Variants in EFCAB6 observed in about 807,000 individuals in gnomAD.
EFCAB6 encodes the protein EF-hand calcium-binding domain-containing protein 6.
Under a neutral mutation model 169.8 loss-of-function variants are expected in EFCAB6, and 156 were observed. The observed-to-expected ratio is 0.92, with a 90% CI of 0.81 to 1.05. EFCAB6 has a LOEUF of 1.05. Ranked by LOEUF, EFCAB6 falls within the 50% of genes least tolerant of loss-of-function variation. The pLI is 0.00. For synonymous variants in EFCAB6, 698 were observed against 676.4 expected (o/e 1.03, Z -0.50); for missense variants, 1,800 against 1,829.1 (o/e 0.98, Z 0.29).
intron 25 of EFCAB6, among the ~76,000 whole-genome samples, chr22:43,578,059 G>C (rs764741763): frequency 3.4e-4 from 52 of 152,202 alleles, no homozygotes; most frequent in Non-Finnish European, 6.6e-4. Context: ...CTCTAGTAAA[G>C]ATCTTCAGGA....
intron 24 of EFCAB6, among the ~76,000 whole-genome samples, chr22:43,587,456 T>C (rs569648803): frequency 9.9e-5 from 15 of 152,228 alleles, no homozygotes; most frequent in Non-Finnish European, 1.9e-4. Flanking sequence ...TTGGCAGGAC[T>C]GTACTTTCCC....
At chr22:43,545,514 G>C (rs142058468) in intron 27 of EFCAB6, among the ~76,000 whole-genome samples, 3 of 152,312 alleles carry the variant, frequency 2.0e-5, no homozygotes, top group Non-Finnish European at 2.9e-5. Flanking sequence ...CCCAAAGACG[G>C]GTGAACAAAA....
At chr22:43,729,160 C>T (rs1431602495) in intron 8 of EFCAB6, among the ~76,000 whole-genome samples, 1 of 152,234 alleles carries the variant, frequency 6.6e-6, no homozygotes, top group African/African-American at 2.4e-5. Flanking sequence ...CAAGAACCCA[C>T]TCATTACCAT....
chr22:43,800,439 G>A (rs2062668032), intron 2 of EFCAB6, among the ~76,000 whole-genome samples: 1 of 152,200 alleles, frequency 6.6e-6, no homozygotes, highest in Admixed American at 6.5e-5. Context: ...AAAAAAGACA[G>A]CAGCAAACAG....
At chr22:43,732,065 G>A (rs2059972179) in intron 7 of EFCAB6, among the ~76,000 whole-genome samples, 1 of 152,138 alleles carries the variant, frequency 6.6e-6, no homozygotes, top group Admixed American at 6.5e-5. Flanking sequence ...TGCTGGACCT[G>A]TTGAAGAATA....
chr22:43,775,209 C>T (rs1350120788), intron 3 of EFCAB6, among the ~76,000 whole-genome samples: 2 of 152,092 alleles, frequency 1.3e-5, no homozygotes, highest in Middle Eastern at 3.2e-3. Flanking sequence ...GGGCAGCACC[C>T]TTCACTTAGA....
At chr22:43,784,488 CAAA>C (rs113755588) in intron 2 of EFCAB6, among the ~76,000 whole-genome samples, 2,901 of 63,324 alleles carry the variant, frequency 0.046, 183 homozygotes, top group African/African-American at 0.1. Context: ...CTGTCTCTAC[CAAA>C]AAAAAAAAAA....
intron 20 of EFCAB6, among the ~76,000 whole-genome samples, chr22:43,625,287 G>T (rs1040852259): frequency 6.6e-6 from 1 of 152,094 alleles, no homozygotes; most frequent in Admixed American, 6.5e-5. Context: ...TGGGGACCGT[G>T]AGTGCCTCAA....
intron 11 of EFCAB6, 21 bp downstream of exon 11, chr22:43,687,450 T>TA: frequency 1.6e-6 from 2 of 1,270,754 alleles, no homozygotes; most frequent in Non-Finnish European, 2.1e-6. Context: ...AAAATTTGTT[T>TA]TTTTTTTTTT....
At chr22:43,702,168 G>C (rs2058789555) in intron 10 of EFCAB6, among the ~76,000 whole-genome samples, 1 of 152,172 alleles carries the variant, frequency 6.6e-6, no homozygotes, top group East Asian at 1.9e-4. Flanking sequence ...ATTCAATGCT[G>C]GGAAGAATAT....
intron 15 of EFCAB6, 134 bp downstream of exon 15, chr22:43,671,839 C>A: frequency 1.9e-6 from 2 of 1,061,120 alleles, no homozygotes; most frequent in Non-Finnish European, 2.7e-6. Context: ...CAGTGCTAAG[C>A]AAGGATTCAG....
Position 43,667,091 on chromosome 22 carries a change from C to A in EFCAB6, c.1983+13G>T. 6.2e-7 allele frequency: 1 copy of A among 1,609,252 alleles called. No individual in the cohort carries two copies. The highest frequency in any genetic ancestry group is 8.5e-7 in the Non-Finnish European group (1 of 1,177,732). ...TCTGCAGGATAGAAACAAAGAGAAA[C>A]CCATTCTCCTACCTTCTTAAAGTCA... On this transcript the variant is annotated intron_variant, in intron 17 of 31. Coordinates refer to ENST00000262726, the MANE Select transcript of EFCAB6 (RefSeq NM_022785.4).
At chr22:43,746,386 C>T (rs1328549151) in intron 6 of EFCAB6, among the ~76,000 whole-genome samples, 1 of 152,148 alleles carries the variant, frequency 6.6e-6, no homozygotes, top group Non-Finnish European at 1.5e-5. Flanking sequence ...ATAGTTGACA[C>T]AATGAAGCAA....
chr22:43,624,852 C>A (rs1031999739), intron 20 of EFCAB6, among the ~76,000 whole-genome samples: 1 of 152,160 alleles, frequency 6.6e-6, no homozygotes, highest in Non-Finnish European at 1.5e-5. Flanking sequence ...AAGGTTGAGT[C>A]ATCTGAATGG....
rs183696674 is a variant in EFCAB6, at chr22:43,801,602, G to A, written c.-8+7393C>T. Among the ~76,000 whole-genome samples, 7 of 152,300 alleles carry A rather than the reference G, an allele frequency of 4.6e-5. No individual in the cohort carries two copies. In the East Asian group the frequency reaches 1.3e-3, roughly 29 times the overall value. ...AAAATGTGGAACAGATAGAATTAGTGTAGAGTTTTTTCATTTCTTGTTTGT... is the reference window on the plus strand; with the variant it reads ...AAAATGTGGAACAGATAGAATTAGTATAGAGTTTTTTCATTTCTTGTTTGT... On this transcript the variant is annotated intron_variant, in intron 2 of 31. Coordinates refer to ENST00000262726, the MANE Select transcript of EFCAB6 (RefSeq NM_022785.4).
intron 23 of EFCAB6, among the ~76,000 whole-genome samples, chr22:43,598,898 AC>A (rs1271127656): frequency 2.6e-5 from 4 of 152,244 alleles, no homozygotes; most frequent in African/African-American, 9.6e-5. Flanking sequence ...CACATTGTAT[AC>A]AAGTATCAAA....
intron 23 of EFCAB6, among the ~76,000 whole-genome samples, chr22:43,596,119 G>A (rs920605486): frequency 2.5e-4 from 38 of 151,996 alleles, no homozygotes; most frequent in Non-Finnish European, 2.6e-4. Context: ...GGCCATATAT[G>A]ACAAACCCAT....
chr22:43,652,173 T>C (rs754015797), intron 17 of EFCAB6, among the ~76,000 whole-genome samples: 3 of 152,116 alleles, frequency 2.0e-5, no homozygotes, highest in Non-Finnish European at 4.4e-5. Flanking sequence ...AATTCCCATG[T>C]GTTTGGGAGG....
chr22:43,720,361 A>AT (rs1459794427), intron 8 of EFCAB6, among the ~76,000 whole-genome samples: 1 of 150,776 alleles, frequency 6.6e-6, no homozygotes, highest in Admixed American at 6.6e-5. Flanking sequence ...AAAAAAAAAA[A>AT]AATAGCCGGG....
Sources: gnomAD v4.1 joint callset for allele counts (sites outside exome capture counted in the v4.1 genomes callset) on GRCh38, gnomAD v4.1.1 for gene constraint, MANE v1.5 for transcripts, NCBI Gene and HGNC (gene_info 2026-07-23, HGNC 2026-07-21) for gene names.